The following VAV3 variants were observed in gnomAD, a reference collection of about 807,000 sequenced individuals.
VAV3 encodes the protein vav guanine nucleotide exchange factor 3.
A neutral mutation model predicts 131.2 loss-of-function variants in VAV3; 94 were observed. The observed-to-expected ratio is 0.72, with a 90% CI of 0.61 to 0.85. VAV3 has a LOEUF of 0.85. Among genes scored for constraint, VAV3 ranks in the 40% least tolerant of loss-of-function variants. VAV3 has a pLI of 0.00. For synonymous variants in VAV3, 349 were observed against 342.0 expected (o/e 1.02, Z -0.22); for missense variants, 939 against 1,002.7 (o/e 0.94, Z 0.86).
Position 107,872,434 on chromosome 1 carries a change from TTTAAG to T in VAV3, c.321+2462_321+2466del, listed in dbSNP as rs372162255. Among the ~76,000 whole-genome samples, 27 of 152,314 alleles carry T rather than the reference TTTAAG, an allele frequency of 1.8e-4. 1 individual carries two copies. The East Asian group carries it at 4.4e-3, about 25-fold the overall frequency. On this transcript the variant is annotated intron_variant, in intron 2 of 26. Transcript: ENST00000370056. Reference sequence around the variant, plus strand: ...GAGAGCACACATAGATATTATTCATTTTAAGTTAACAGAACATTTAATTAAATCCT... The same window carrying T: ...GAGAGCACACATAGATATTATTCATTTTAACAGAACATTTAATTAAATCCT...
At chr1:107,796,804 A>T (rs74108928) in intron 2 of VAV3, among the ~76,000 whole-genome samples, 80,471 of 144,468 alleles carry the variant, frequency 0.56, 22,797 homozygotes, top group Non-Finnish European at 0.61. Context: ...AAAAAAAAAA[A>T]ATATATATAT....
In VAV3 at chr1:107,757,402, C is replaced by T. The variant is rs1328035887; in HGVS notation, c.1018-73G>A. On this transcript the variant is annotated intron_variant, in intron 10 of 26. Transcript: ENST00000370056. Reference sequence around the variant, plus strand: ...AGACATACTAAAGAAAACATTTTTACAAATAAACCATTATTATTGGTTTTC... The same window carrying T: ...AGACATACTAAAGAAAACATTTTTATAAATAAACCATTATTATTGGTTTTC... 8 of 1,217,222 alleles carry T rather than the reference C, an allele frequency of 6.6e-6. No individual in the cohort carries two copies. In the Admixed American group the frequency reaches 1.6e-4, roughly 25 times the overall value. The allele number at this position is 1,217,222 out of a possible 1,614,324, so 75.4% of individuals were successfully genotyped here.
chr1:107,675,705 A>G (rs1054864094), intron 19 of VAV3, among the ~76,000 whole-genome samples: 1 of 152,114 alleles, frequency 6.6e-6, no homozygotes, highest in African/African-American at 2.4e-5. Flanking sequence ...GTCCCCACAA[A>G]ACATGCTGTG....
intron 1 of VAV3, among the ~76,000 whole-genome samples, chr1:107,942,495 G>A (rs1206299557): frequency 1.3e-5 from 2 of 151,952 alleles, no homozygotes; most frequent in Non-Finnish European, 2.9e-5. Flanking sequence ...ACTTCTTCAG[G>A]CCCACCACAC....
intron 2 of VAV3, among the ~76,000 whole-genome samples, chr1:107,833,555 A>AT (rs200046955): frequency 6.6e-6 from 1 of 151,758 alleles, no homozygotes; most frequent in Non-Finnish European, 1.5e-5. Flanking sequence ...AATTTTAGAA[A>AT]TTTTTTTTTC....
At chr1:107,706,061 T>G (rs1161032750) in intron 15 of VAV3, among the ~76,000 whole-genome samples, 1 of 152,180 alleles carries the variant, frequency 6.6e-6, no homozygotes, top group African/African-American at 2.4e-5. Context: ...CTATTATTTT[T>G]GATGGCAAAA....
chr1:107,734,872 A>G (rs1256520230), intron 15 of VAV3, among the ~76,000 whole-genome samples: 1 of 152,236 alleles, frequency 6.6e-6, no homozygotes, highest in African/African-American at 2.4e-5. Flanking sequence ...AGACATCTAC[A>G]GAACTCTCCA....
intron 5 of VAV3, among the ~76,000 whole-genome samples, chr1:107,772,519 C>T (rs1473410331): frequency 1.3e-5 from 2 of 151,958 alleles, no homozygotes; most frequent in African/African-American, 4.8e-5. Context: ...TCCTTACTAG[C>T]GAAATGAAAA....
rs141424199 is a variant in VAV3, at chr1:107,752,510, G to A, written c.1174-1308C>T. On this transcript the variant is annotated intron_variant, in intron 12 of 26. Coordinates refer to ENST00000370056, the MANE Select transcript of VAV3 (RefSeq NM_006113.5). ...GCCTCACAGACAATATCAACAGAGT[G>A]AAAAGCCAACAGACACAAGAAAAGT... is the stretch of plus-strand genomic sequence containing the variant. Among the ~76,000 whole-genome samples, 245 of 152,244 alleles carry A rather than the reference G, an allele frequency of 1.6e-3. 1 individual carries two copies. Among genetic ancestry groups the A allele is most frequent in the Non-Finnish European group, 2.9e-3 (200 of 67,996 alleles).
intron 1 of VAV3, among the ~76,000 whole-genome samples, chr1:107,901,174 A>G (rs1671839885): frequency 1.3e-5 from 2 of 152,312 alleles, no homozygotes; most frequent in Admixed American, 1.3e-4. Flanking sequence ...CAGGTATTGT[A>G]GCTGACAATT....
At chr1:107,801,974 C>T in intron 2 of VAV3, among the ~76,000 whole-genome samples, 1 of 151,616 alleles carries the variant, frequency 6.6e-6, no homozygotes, top group Non-Finnish European at 1.5e-5. Context: ...ACTTTAAGTT[C>T]TGGGGTACAT....
chr1:107,650,282 AC>A (rs1193634417), intron 19 of VAV3, among the ~76,000 whole-genome samples: 1 of 152,074 alleles, frequency 6.6e-6, no homozygotes, highest in Admixed American at 6.6e-5. Flanking sequence ...AATTTATTGA[AC>A]AGGTCAAGTT....
At chr1:107,688,545 T>G in intron 17 of VAV3, 139 bp from the exon 18 acceptor site, 1 of 1,528,958 alleles carries the variant, frequency 6.5e-7, no homozygotes. Flanking sequence ...CCACGGTCCC[T>G]CAGGCTGGGC....
intron 22 of VAV3, among the ~76,000 whole-genome samples, chr1:107,607,497 C>T (rs564023761): frequency 5.3e-5 from 8 of 152,210 alleles, no homozygotes; most frequent in Admixed American, 5.2e-4. Context: ...TATGGCATCT[C>T]CCCAGTCTCT....
intron 19 of VAV3, chr1:107,669,457 A>G (rs1197438296): frequency 5.4e-6 from 7 of 1,289,552 alleles, no homozygotes; most frequent in Admixed American, 2.3e-5. Flanking sequence ...AAAGAAATGA[A>G]GGAGACAGGG....
chr1:107,759,576 C>T (rs968837594), intron 10 of VAV3, among the ~76,000 whole-genome samples: 1 of 152,044 alleles, frequency 6.6e-6, no homozygotes, highest in Non-Finnish European at 1.5e-5. Flanking sequence ...AGAATTTTTA[C>T]CTATGTGTAG....
chr1:107,660,087 T>G (rs530026911), intron 19 of VAV3, among the ~76,000 whole-genome samples: 4 of 152,194 alleles, frequency 2.6e-5, no homozygotes, highest in African/African-American at 9.6e-5. Context: ...ACGGATCATC[T>G]AATTCACCTT....
At chr1:107,857,898 G>A (rs964410847) in intron 2 of VAV3, among the ~76,000 whole-genome samples, 2 of 152,064 alleles carry the variant, frequency 1.3e-5, no homozygotes, top group Non-Finnish European at 2.9e-5. Context: ...GACTACATGG[G>A]AAATTTTTCA....
chr1:107,812,742 T>C (rs1667378798), intron 2 of VAV3, among the ~76,000 whole-genome samples: 1 of 152,160 alleles, frequency 6.6e-6, no homozygotes, highest in Non-Finnish European at 1.5e-5. Flanking sequence ...AGGAATAGGA[T>C]AAAAATAAGT....
Sources: allele counts gnomAD v4.1 joint callset (sites outside exome capture counted in the v4.1 genomes callset), GRCh38; gene constraint gnomAD v4.1.1; transcripts MANE v1.5; gene names NCBI Gene and HGNC (gene_info 2026-07-23, HGNC 2026-07-21).